GABBR2: variants seen among roughly 807,000 people sequenced by gnomAD.
The protein encoded by GABBR2 is gamma-aminobutyric acid type B receptor subunit 2.
GABBR2 carries 23 observed loss-of-function variants against 105.6 expected under a neutral mutation model. That is an observed-to-expected ratio of 0.22 (90% CI 0.16 to 0.31). The LOEUF (loss-of-function observed/expected upper bound fraction) is 0.31. Among genes scored for constraint, GABBR2 ranks in the 10% least tolerant of loss-of-function variants. The probability of loss-of-function intolerance (pLI) is 1.00; values close to 1 mark genes in which losing one functional copy is unlikely to be tolerated. For synonymous variants in GABBR2, 478 were observed against 499.7 expected (o/e 0.96, Z 0.58); for missense variants, 734 against 1,245.5 (o/e 0.59, Z 6.18).
In GABBR2 at chr9:98,454,179, C is replaced by G. The variant is rs1187238409; in HGVS notation, c.1038G>C (p.Arg346=). The G allele has an allele frequency of 1.2e-6, 2 of 1,614,078 alleles. No homozygotes were observed. The highest frequency in any genetic ancestry group is 4.5e-5 in the East Asian group (2 of 44,880). The change falls in exon 7 of 19, where the codon CGG becomes CGC. Residue 346 remains arginine, a synonymous_variant. Transcript: ENST00000259455. The surrounding 1 kb of genome is among the most constrained non-coding windows in gnomAD (Gnocchi z 4.6). ...GGAACTTGCTGGGCCCCACGCCTGA[C>G]CGCTTGTTGTTGTACTCTCTCTCAT... ...QQYEREYNNK[R]SGVGPSKFHG...
intron 1 of GABBR2, among the ~76,000 whole-genome samples, chr9:98,700,743 A>C (rs1270930232): frequency 1.3e-5 from 2 of 152,154 alleles, no homozygotes; most frequent in Non-Finnish European, 2.9e-5. Flanking sequence ...ATTTCTGGCC[A>C]GTGGAATATG....
rs575370595 is a variant in GABBR2 at position 98,607,304 on chromosome 9, A to T, written c.322-29232T>A. The T allele has an allele frequency of 2.9e-5, 24 of 838,650 alleles. No individual in the cohort carries two copies. The East Asian group carries it at 5.8e-4, about 20-fold the overall frequency. The allele number at this position is 838,650 out of a possible 1,614,324, so 52.0% of individuals were successfully genotyped here. ...GACGTCAGATGCCTGATAACGGTGT[A>T]GCGTTGTTTATACTTCATTGCTCCT... On this transcript the variant is annotated intron_variant, in intron 1 of 18. Coordinates refer to ENST00000259455, the MANE Select transcript of GABBR2 (RefSeq NM_005458.8).
chr9:98,519,181 CCT>C (rs1247504438), intron 3 of GABBR2, among the ~76,000 whole-genome samples: 5 of 152,156 alleles, frequency 3.3e-5, no homozygotes, highest in Admixed American at 6.5e-5. Flanking sequence ...TGTCTGAGCC[CCT>C]GTCAGATTTT....
intron 15 of GABBR2, 45 bp from the exon 16 acceptor site, chr9:98,303,468 G>A: frequency 6.5e-7 from 1 of 1,539,896 alleles, no homozygotes; most frequent in Non-Finnish European, 8.9e-7. Context: ...AGAGCCTTGA[G>A]TCCTTCCTCC....
At chr9:98,526,730 G>A (rs1215486517) in intron 3 of GABBR2, among the ~76,000 whole-genome samples, 1 of 152,140 alleles carries the variant, frequency 6.6e-6, no homozygotes, top group African/African-American at 2.4e-5. Context: ...TGTCTTAAAT[G>A]AATGAATGTA....
At chr9:98,542,838 T>C (rs1255465311) in intron 2 of GABBR2, among the ~76,000 whole-genome samples, 2 of 152,232 alleles carry the variant, frequency 1.3e-5, no homozygotes, top group African/African-American at 4.8e-5. Context: ...TAGATAATGC[T>C]GAACTTTTCC....
intron 5 of GABBR2, among the ~76,000 whole-genome samples, chr9:98,474,172 A>C (rs1482834305): frequency 2.0e-5 from 3 of 152,200 alleles, no homozygotes; most frequent in African/African-American, 7.2e-5. Context: ...ACTGAAAATC[A>C]GAGGGAAAGT....
intron 1 of GABBR2, chr9:98,606,833 T>C (rs1470292431): frequency 1.6e-5 from 7 of 431,524 alleles, no homozygotes; most frequent in Non-Finnish European, 4.3e-6. Flanking sequence ...GTACAAACAG[T>C]GCGAGAGCCA....
At chr9:98,616,263 T>C (rs1487994666) in intron 1 of GABBR2, among the ~76,000 whole-genome samples, 3 of 152,194 alleles carry the variant, frequency 2.0e-5, no homozygotes, top group African/African-American at 7.2e-5. Flanking sequence ...ATTTCTTCCC[T>C]TTCTCACCCT....
intron 1 of GABBR2, among the ~76,000 whole-genome samples, chr9:98,615,011 C>T (rs1378251969): frequency 2.6e-5 from 4 of 152,218 alleles, no homozygotes; most frequent in African/African-American, 7.2e-5. Flanking sequence ...AATAAAAATC[C>T]TTCATCTCCC....
chr9:98,419,876 A>G (rs1832752029), intron 7 of GABBR2, among the ~76,000 whole-genome samples: 1 of 152,310 alleles, frequency 6.6e-6, no homozygotes, highest in African/African-American at 2.4e-5. Context: ...GAGTGAATTC[A>G]GCAGAGGCAG....
intron 1 of GABBR2, among the ~76,000 whole-genome samples, chr9:98,667,768 G>C (rs930932043): frequency 6.6e-6 from 1 of 152,202 alleles, no homozygotes; most frequent in East Asian, 1.9e-4. Context: ...AGTTTCCCGA[G>C]AAATCTGACC....
At chr9:98,549,722 C>T (rs528722808) in intron 2 of GABBR2, among the ~76,000 whole-genome samples, 5 of 152,334 alleles carry the variant, frequency 3.3e-5, no homozygotes, top group Admixed American at 3.3e-4. Context: ...CCTGGATCAC[C>T]AGCATTCTCT....
At chr9:98,399,618 G>T (rs1470075917) in intron 8 of GABBR2, among the ~76,000 whole-genome samples, 1 of 152,180 alleles carries the variant, frequency 6.6e-6, no homozygotes, top group African/African-American at 2.4e-5. Context: ...CACCTGGCAG[G>T]TAGGGGGTCA....
intron 2 of GABBR2, among the ~76,000 whole-genome samples, chr9:98,545,688 TA>T (rs1828384552): frequency 6.6e-6 from 1 of 152,194 alleles, no homozygotes; most frequent in African/African-American, 2.4e-5. Context: ...TGGTTTGGAA[TA>T]AGTAGACTGC....
chr9:98,461,513 A>G (rs890330301), intron 6 of GABBR2, among the ~76,000 whole-genome samples: 2 of 152,220 alleles, frequency 1.3e-5, no homozygotes, highest in African/African-American at 4.8e-5. Flanking sequence ...GTCCTGAATC[A>G]ATTGATTATT....
intron 1 of GABBR2, among the ~76,000 whole-genome samples, chr9:98,641,133 T>G (rs1440283107): frequency 6.6e-6 from 1 of 150,408 alleles, no homozygotes; most frequent in Non-Finnish European, 1.5e-5. Context: ...GGTTTGGTTT[T>G]TTTTTTTTTT....
chr9:98,463,869 C>T (rs373099453), intron 6 of GABBR2, among the ~76,000 whole-genome samples: 20 of 152,292 alleles, frequency 1.3e-4, no homozygotes, highest in African/African-American at 4.8e-4. Flanking sequence ...CTCCTGGCCT[C>T]GGGTGATCTG....
At chr9:98,437,020 C>G (rs1197809427) in intron 7 of GABBR2, among the ~76,000 whole-genome samples, 1 of 152,012 alleles carries the variant, frequency 6.6e-6, no homozygotes, top group East Asian at 1.9e-4. Context: ...TTTAATGAGG[C>G]CCTTTCACAC....
Sources: gnomAD v4.1 joint callset for allele counts (sites outside exome capture counted in the v4.1 genomes callset) on GRCh38, gnomAD v4.1.1 for gene constraint, Gnocchi (gnomAD v3.1) non-coding constraint, MANE v1.5 for transcripts, NCBI Gene and HGNC (gene_info 2026-07-23, HGNC 2026-07-21) for gene names.